Variants in ZNF850 observed in about 807,000 individuals in gnomAD.
ZNF850 encodes zinc finger protein 850.
In ZNF850, 2 loss-of-function variants were observed where a neutral mutation model predicts 11.9. The ratio of observed to expected loss-of-function variants is 0.17; its 90% confidence interval spans 0.07 to 0.53. ZNF850 has a LOEUF of 0.53. Ranked by LOEUF, ZNF850 falls within the 20% of genes least tolerant of loss-of-function variation. The probability of loss-of-function intolerance (pLI) is 0.94; values close to 1 mark genes in which losing one functional copy is unlikely to be tolerated. For missense variants in ZNF850, 1,014 were observed against 1,316.4 expected, an observed-to-expected ratio of 0.77 and a Z score of 3.55; for synonymous variants, 381 against 443.0, an observed-to-expected ratio of 0.86 and a Z score of 1.76.
At position 36,747,760 on chromosome 19, in the gene ZNF850, A is replaced by G. The variant is rs2040421250; in HGVS notation, c.*7T>C. 2 of 1,489,786 alleles carry G rather than the reference A, an allele frequency of 1.3e-6. No homozygotes were observed. The highest frequency in any genetic ancestry group is 2.8e-5 in the African/African-American group (2 of 71,238). The allele number at this position is 1,489,786 out of a possible 1,614,324, so 92.3% of individuals were successfully genotyped here. Reference sequence around the variant, plus strand: ...ACAAATGGCATGAGAACAGTTTCCTACATTAATTATGTTAGGTCATGAATT... The same window carrying G: ...ACAAATGGCATGAGAACAGTTTCCTGCATTAATTATGTTAGGTCATGAATT... On this transcript the variant is annotated 3_prime_UTR_variant, in exon 5 of 5. Coordinates refer to ENST00000591344, the MANE Select transcript of ZNF850 (RefSeq NM_001193552.2).
At chr19:36,771,988 A>G (rs2040587554) in intron 1 of ZNF850, among the ~76,000 whole-genome samples, 1 of 152,198 alleles carries the variant, frequency 6.6e-6, no homozygotes, top group African/African-American at 2.4e-5. Context: ...TCCCCGCCAT[A>G]GAGCCGCCAA....
intron 4 of ZNF850, among the ~76,000 whole-genome samples, chr19:36,754,962 G>A (rs529239116): frequency 1.1e-4 from 16 of 152,128 alleles, no homozygotes; most frequent in Non-Finnish European, 2.1e-4. Flanking sequence ...AGCATGATAT[G>A]TTGAACATGT....
At chr19:36,754,296 G>GAGGACACAAAAAC (rs2040472423) in intron 4 of ZNF850, among the ~76,000 whole-genome samples, 1 of 151,800 alleles carries the variant, frequency 6.6e-6, no homozygotes, top group Non-Finnish European at 1.5e-5. Flanking sequence ...AAAAGTTGAA[G>GAGGACACAAAAAC]TAAAAACTAA....
Position 36,747,995 on chromosome 19 carries a change from C to T in ZNF850, c.3045G>A (p.Gly1015=), listed in dbSNP as rs747193961. 15 of 1,591,202 alleles carry T rather than the reference C, an allele frequency of 9.4e-6. No homozygotes were observed. The highest frequency in any genetic ancestry group is 1.3e-5 in the Non-Finnish European group (15 of 1,171,184). The part of the protein sequence containing the change: ...GEKPYDCKEC[G]KAFRCPSQLS... ...GTTGTGAAGGACATCTAAAGGCCTT[C>T]CCACATTCCTTACAATCATAAGGTT... is the stretch of plus-strand genomic sequence containing the variant. Residue 1015 remains glycine, a synonymous_variant, in exon 5 of 5, where the codon GGG becomes GGA. Transcript: ENST00000591344.
rs1273354606 is a variant in ZNF850 at position 36,743,700 on chromosome 19, A to C, written c.*4067T>G. ...AAAAGCCATTAAGTATCTAGAAATAAGTAAAACAAGAAATGTGTACACTTT... is the reference window on the plus strand; with the variant it reads ...AAAAGCCATTAAGTATCTAGAAATACGTAAAACAAGAAATGTGTACACTTT... On this transcript the variant is annotated 3_prime_UTR_variant, in exon 5 of 5. Coordinates refer to ENST00000591344, the MANE Select transcript of ZNF850 (RefSeq NM_001193552.2). 6.6e-6 allele frequency: 1 copy of C among 152,228 alleles called. No individual in the cohort carries two copies. The highest frequency in any genetic ancestry group is 1.9e-4 in the East Asian group (1 of 5,198). The allele number at this position is 152,228 out of a possible 1,614,324, so 9.4% of individuals were successfully genotyped here.
Position 36,758,833 on chromosome 19 carries a change from T to C in ZNF850, c.235+2810A>G, listed in dbSNP as rs868120686. Among the ~76,000 whole-genome samples the C allele has an allele frequency of 5.9e-5, 9 of 151,636 alleles. No homozygotes were observed. The South Asian group carries it at 8.4e-4, about 14-fold the overall frequency. On this transcript the variant is annotated intron_variant, in intron 4 of 4. Coordinates refer to ENST00000591344, the MANE Select transcript of ZNF850 (RefSeq NM_001193552.2). The stretch of plus-strand genomic sequence containing the variant: ...GTGGCTCATGTCTGTAATCCCAGCA[T>C]TTTGGGAGGCCAAGGCAGGCAGATC...
chr19:36,749,023 A>T lies in ZNF850; in HGVS notation c.2017T>A (p.Tyr673Asn), dbSNP rs1424642606. ...GCCTTCCCACAGTCCGGACATTCAT[A>T]GGGTTTCTCACCAGTGTGAATTCTG... ...HHRIHTGEKP[Y>N]ECPDCGKAFR... The change falls in exon 5 of 5, where the codon TAT (tyrosine) becomes AAT (asparagine). Residue 673 changes from tyrosine to asparagine, a missense_variant. By Grantham distance (143) the Tyr-to-Asn change is moderately radical. Coordinates refer to ENST00000591344, the MANE Select transcript of ZNF850 (RefSeq NM_001193552.2). The T allele has an allele frequency of 6.2e-7, 1 of 1,608,872 alleles. No homozygotes were observed. Among genetic ancestry groups the T allele is most frequent in the Non-Finnish European group, 8.5e-7 (1 of 1,178,412 alleles).
At position 36,749,987 on chromosome 19, in the gene ZNF850, T is replaced by C. The variant is rs1185613133; in HGVS notation, c.1053A>G (p.Ala351=). 6.4e-7 allele frequency: 1 copy of C among 1,556,470 alleles called. No homozygotes were observed. Among genetic ancestry groups the C allele is most frequent in the African/African-American group, 1.4e-5 (1 of 73,418 alleles). The change falls in exon 5 of 5, where the codon GCA becomes GCG. Residue 351 remains alanine, a synonymous_variant. Transcript: ENST00000591344. ...ECGKSFASGS[A]LIRHQRIHTG... ...TGTGAATTCGCTGATGTCGAATTAG[T>C]GCTGAGCCTGAAGCAAAAGATTTTC...
At chr19:36,765,786 G>T (rs1161148772) in intron 1 of ZNF850, among the ~76,000 whole-genome samples, 1 of 151,988 alleles carries the variant, frequency 6.6e-6, no homozygotes, top group Non-Finnish European at 1.5e-5. Context: ...GTTTCTCCAT[G>T]TTGGTCAGGC....
Position 36,769,261 on chromosome 19 carries a change from C to CAA in ZNF850, c.-70+3462_-70+3463dup, listed in dbSNP as rs74174432. ...TGGGCAAGGCAGAGTAAGACTGTCT[C>CAA]AAAAAAAAAAAAAAAAAAGAAAGAA... On this transcript the variant is annotated intron_variant, in intron 1 of 4. Transcript: ENST00000591344. Among the ~76,000 whole-genome samples the CAA allele has an allele frequency of 4.3e-3, 224 of 51,522 alleles. 3 individuals carry two copies. The highest frequency in any genetic ancestry group is 5.9e-3 in the Non-Finnish European group (174 of 29,628). The allele number at this position is 51,522 out of a possible 152,430, so 33.8% of individuals were successfully genotyped here. A position where few individuals can be genotyped will look rare whatever the true frequency, so the allele number is the denominator to read the frequency against.
intron 4 of ZNF850, among the ~76,000 whole-genome samples, chr19:36,752,263 T>C (rs573565925): frequency 1.3e-5 from 2 of 152,282 alleles, no homozygotes; most frequent in East Asian, 3.9e-4. Context: ...ACACAGAACC[T>C]AGGCTCCTTG....
rs2040412906 is a variant in ZNF850 at position 36,746,621 on chromosome 19, A to C, written c.*1146T>G. On this transcript the variant is annotated 3_prime_UTR_variant, in exon 5 of 5. Transcript: ENST00000591344. The stretch of plus-strand genomic sequence containing the variant: ...CACCTCAGCCTCCGAAAGTGCTGGC[A>C]TTACAGGCGTGAGCCACCACGCCCG... The C allele has an allele frequency of 6.6e-6, 1 of 152,018 alleles. No homozygotes were observed. The highest frequency in any genetic ancestry group is 2.4e-5 in the African/African-American group (1 of 41,432). The allele number at this position is 152,018 out of a possible 1,614,324, so 9.4% of individuals were successfully genotyped here.
rs554374235 is a variant in ZNF850, at chr19:36,762,205, A to C, written c.139+100T>G. The C allele has an allele frequency of 2.8e-5, 30 of 1,070,322 alleles. No homozygotes were observed. In the East Asian group the frequency reaches 7.1e-4, roughly 25 times the overall value. The allele number at this position is 1,070,322 out of a possible 1,614,324, so 66.3% of individuals were successfully genotyped here. ...AAGAGCTGCCCATCTATTAATCTAC[A>C]AAACACAAAACAATTCCCTAGGCAA... On this transcript the variant is annotated intron_variant, in intron 3 of 4. Transcript: ENST00000591344.
chr19:36,747,185 C>T lies in ZNF850; in HGVS notation c.*582G>A. On this transcript the variant is annotated 3_prime_UTR_variant, in exon 5 of 5. Coordinates refer to ENST00000591344, the MANE Select transcript of ZNF850 (RefSeq NM_001193552.2). The stretch of plus-strand genomic sequence containing the variant: ...CAAACAAACAAAAAATACACAAAAA[C>T]AACTATTGCCATCAACATTTTATCA... 1 of 155,468 alleles carries T rather than the reference C, an allele frequency of 6.4e-6. No individual in the cohort carries two copies. Among genetic ancestry groups the T allele is most frequent in the Non-Finnish European group, 1.4e-5 (1 of 70,790 alleles). The allele number at this position is 155,468 out of a possible 1,614,324, so 9.6% of individuals were successfully genotyped here. A position where few individuals can be genotyped will look rare whatever the true frequency, so the allele number is the denominator to read the frequency against.
At chr19:36,757,610 G>A (rs1045619148) in intron 4 of ZNF850, among the ~76,000 whole-genome samples, 2 of 149,290 alleles carry the variant, frequency 1.3e-5, no homozygotes, top group Non-Finnish European at 3.0e-5. Context: ...GGGTTCAAGC[G>A]ATTCTCCATC....
intron 1 of ZNF850, among the ~76,000 whole-genome samples, chr19:36,764,875 C>T (rs947480867): frequency 1.7e-4 from 26 of 151,902 alleles, no homozygotes; most frequent in African/African-American, 6.0e-4. Context: ...TTAGTAGAGA[C>T]GGGGTTTCAC....
chr19:36,748,182 T>C lies in ZNF850; in HGVS notation c.2858A>G (p.Tyr953Cys). The C allele has an allele frequency of 1.3e-6, 2 of 1,553,614 alleles. No homozygotes were observed. The highest frequency in any genetic ancestry group is 2.4e-5 in the East Asian group (1 of 41,434). Residue 953 changes from tyrosine to cysteine, a missense_variant, in exon 5 of 5, where the codon TAT becomes TGT. Around this residue, in one of 2 missense-constraint regions of ZNF850, gnomAD observed 179 missense variants for 294.4 expected, o/e 0.61. Coordinates refer to ENST00000591344, the MANE Select transcript of ZNF850 (RefSeq NM_001193552.2). ...HHSIHTGEKP[Y>C]ECKTCGKSFR... is the part of the protein sequence containing the mutation. Reference sequence around the variant, plus strand: ...GGACTTCCCACATGTCTTACATTCATAGGGTTTCTCGCCAGTGTGAATACT... The same window carrying C: ...GGACTTCCCACATGTCTTACATTCACAGGGTTTCTCGCCAGTGTGAATACT...
Position 36,747,753 on chromosome 19 carries a change from G to C in ZNF850, c.*14C>G. 1 of 1,482,858 alleles carries C rather than the reference G, an allele frequency of 6.7e-7. No homozygotes were observed. Among genetic ancestry groups the C allele is most frequent in the South Asian group, 1.3e-5 (1 of 75,128 alleles). 91.9% of individuals were successfully genotyped at this position (1,482,858 alleles called of 1,614,324 possible). ...ATCCATGACAAATGGCATGAGAACA[G>C]TTTCCTACATTAATTATGTTAGGTC... On this transcript the variant is annotated 3_prime_UTR_variant, in exon 5 of 5. Coordinates refer to ENST00000591344, the MANE Select transcript of ZNF850 (RefSeq NM_001193552.2).
intron 4 of ZNF850, among the ~76,000 whole-genome samples, chr19:36,761,330 C>T (rs2040516689): frequency 6.6e-6 from 1 of 151,976 alleles, no homozygotes; most frequent in African/African-American, 2.4e-5. Context: ...ATGCCAGTTC[C>T]TTCAAAGGCT....
Sources: allele counts gnomAD v4.1 joint callset (sites outside exome capture counted in the v4.1 genomes callset), GRCh38; gene constraint gnomAD v4.1.1; regional missense constraint gnomAD v4.1.1; transcripts MANE v1.5; gene names NCBI Gene and HGNC (gene_info 2026-07-23, HGNC 2026-07-21).